Variants in HACE1 observed in about 807,000 individuals in gnomAD.
HACE1 encodes the protein HECT domain and ankyrin repeat containing E3 ubiquitin protein ligase 1, also known as E3 ubiquitin-protein ligase HACE1.
A neutral mutation model predicts 118.4 loss-of-function variants in HACE1; 73 were observed. The ratio of observed to expected loss-of-function variants is 0.62; its 90% confidence interval spans 0.51 to 0.75. The LOEUF is 0.75. HACE1 is among the 30% of genes least tolerant of loss of function. The pLI is 0.00. For missense variants in HACE1, 749 were observed against 1,102.2 expected (o/e 0.68, Z 4.54); for synonymous variants, 368 against 374.8 (o/e 0.98, Z 0.21).
At chr6:104,774,378 C>G (rs1431366138) in intron 17 of HACE1, among the ~76,000 whole-genome samples, 1 of 87,344 alleles carries the variant, frequency 1.1e-5, no homozygotes, top group Non-Finnish European at 2.2e-5. Flanking sequence ...GCGTGAGCCA[C>G]CGCGCCCGGC....
intron 22 of HACE1, among the ~76,000 whole-genome samples, chr6:104,732,751 T>C (rs979851290): frequency 2.0e-5 from 3 of 152,200 alleles, no homozygotes; most frequent in African/African-American, 7.2e-5. Flanking sequence ...GGATTGTCTA[T>C]TTGAAATCAC....
Position 104,742,516 on chromosome 6 carries a change from C to T in HACE1, c.2513+1644G>A, listed in dbSNP as rs1408260741. ...AGTGGGCAAAGGACAGGAACAGACA[C>T]TTCTCAAAAGAAGACATTTATGCAG... On this transcript the variant is annotated intron_variant, in intron 22 of 23. Transcript: ENST00000262903. Among the ~76,000 whole-genome samples the T allele has an allele frequency of 5.3e-5, 8 of 152,254 alleles. No homozygotes were observed. In the South Asian group the frequency reaches 1.2e-3, roughly 24 times the overall value.
intron 7 of HACE1, among the ~76,000 whole-genome samples, chr6:104,803,846 T>G (rs906898743): frequency 3.9e-5 from 6 of 152,188 alleles, no homozygotes; most frequent in Non-Finnish European, 7.3e-5. Context: ...TTCAATGTAG[T>G]GTTGGAAGTT....
intron 4 of HACE1, 76 bp from the exon 5 acceptor site, chr6:104,843,374 T>C: frequency 2.6e-6 from 2 of 779,076 alleles, no homozygotes; most frequent in Non-Finnish European, 4.7e-6. Context: ...ACTGAAATAT[T>C]AGCAACAATC....
intron 6 of HACE1, among the ~76,000 whole-genome samples, chr6:104,820,061 G>A (rs1469300990): frequency 6.6e-6 from 1 of 151,946 alleles, no homozygotes; most frequent in Non-Finnish European, 1.5e-5. Context: ...CGGGAATGGT[G>A]GCACATGCCT....
At chr6:104,735,247 G>T (rs190851752) in intron 22 of HACE1, among the ~76,000 whole-genome samples, 54 of 151,932 alleles carry the variant, frequency 3.6e-4, no homozygotes, top group African/African-American at 1.3e-3. Flanking sequence ...ACTTAAAACT[G>T]AATTTTTAAA....
chr6:104,810,678 A>G (rs540957805), intron 7 of HACE1, among the ~76,000 whole-genome samples: 1 of 152,202 alleles, frequency 6.6e-6, no homozygotes, highest in African/African-American at 2.4e-5. Context: ...TTACACACCT[A>G]CAACAATGCA....
intron 19 of HACE1, among the ~76,000 whole-genome samples, chr6:104,764,973 A>G (rs1008953567): frequency 3.3e-5 from 5 of 152,180 alleles, no homozygotes; most frequent in South Asian, 4.1e-4. Context: ...CATCCTTCAT[A>G]TTAAACTCCC....
At chr6:104,845,012 T>TGAGTAAACA (rs1775510178) in intron 4 of HACE1, among the ~76,000 whole-genome samples, 1 of 152,108 alleles carries the variant, frequency 6.6e-6, no homozygotes, top group Non-Finnish European at 1.5e-5. Flanking sequence ...AATAGTCCAG[T>TGAGTAAACA]GAGTAAACAG....
At chr6:104,804,170 C>A (rs916770736) in intron 7 of HACE1, among the ~76,000 whole-genome samples, 1 of 152,112 alleles carries the variant, frequency 6.6e-6, no homozygotes, top group African/African-American at 2.4e-5. Flanking sequence ...ATGTGAAGGA[C>A]CTCTTCAAGG....
chr6:104,754,904 A>T (rs1778431311), intron 19 of HACE1, among the ~76,000 whole-genome samples: 1 of 152,222 alleles, frequency 6.6e-6, no homozygotes, highest in East Asian at 1.9e-4. Context: ...ACCAGCTAGC[A>T]TCGTCATGAC....
chr6:104,824,105 G>C (rs1773067144), intron 6 of HACE1, among the ~76,000 whole-genome samples: 1 of 152,176 alleles, frequency 6.6e-6, no homozygotes, highest in Non-Finnish European at 1.5e-5. Context: ...CCCATTACTA[G>C]TCTGGCTGTT....
intron 20 of HACE1, among the ~76,000 whole-genome samples, chr6:104,748,415 A>G (rs1467238181): frequency 6.6e-6 from 1 of 152,204 alleles, no homozygotes; most frequent in African/African-American, 2.4e-5. Context: ...ATGGAAATGA[A>G]AAAGATGGAA....
intron 4 of HACE1, among the ~76,000 whole-genome samples, chr6:104,846,355 G>C (rs758221562): frequency 3.3e-5 from 5 of 152,064 alleles, no homozygotes; most frequent in Non-Finnish European, 7.4e-5. Context: ...CACAACCTAA[G>C]AACACACAAT....
At chr6:104,835,762 C>T (rs939153491) in intron 5 of HACE1, among the ~76,000 whole-genome samples, 2 of 152,012 alleles carry the variant, frequency 1.3e-5, no homozygotes, top group African/African-American at 4.8e-5. Context: ...AAATCCAAAG[C>T]AAGACATAAT....
chr6:104,741,275 C>T (rs1383618062), intron 22 of HACE1, among the ~76,000 whole-genome samples: 4 of 122,142 alleles, frequency 3.3e-5, no homozygotes, highest in Non-Finnish European at 6.5e-5. Flanking sequence ...TCTCTCACCA[C>T]TCCTATTCAA....
intron 19 of HACE1, among the ~76,000 whole-genome samples, chr6:104,759,496 A>G (rs902593273): frequency 6.6e-6 from 1 of 152,192 alleles, no homozygotes; most frequent in Non-Finnish European, 1.5e-5. Context: ...GTTATCTGAA[A>G]CCAATGAGAA....
chr6:104,858,464 G>A (rs576252276), intron 1 of HACE1: 12 of 389,332 alleles, frequency 3.1e-5, no homozygotes, highest in Admixed American at 1.8e-4. Flanking sequence ...ACTTTGGGGG[G>A]AGCAGGGTGC....
Position 104,771,968 on chromosome 6 carries a change from C to A in HACE1, c.1971G>T (p.Leu657=), listed in dbSNP as rs766469176. The part of the protein sequence containing the change: ...ILGLALNHRQ[L]VNIYFTRSFY... ...AGGATCGTGTGAAGTAAATATTGAC[C>A]AGCTGCCTGTGGTTCAACGCTAATC... The change falls in exon 18 of 24, where the codon CTG becomes CTT. Residue 657 remains leucine, a synonymous_variant. Transcript: ENST00000262903. 1 of 1,608,576 alleles carries A rather than the reference C, an allele frequency of 6.2e-7. No homozygotes were observed. The highest frequency in any genetic ancestry group is 1.7e-5 in the Admixed American group (1 of 60,000).
Sources: allele counts gnomAD v4.1 joint callset (sites outside exome capture counted in the v4.1 genomes callset), GRCh38; gene constraint gnomAD v4.1.1; transcripts MANE v1.5; gene names NCBI Gene and HGNC (gene_info 2026-07-23, HGNC 2026-07-21).